Variants in IDE observed in about 807,000 individuals in gnomAD.
IDE encodes the protein insulin degrading enzyme, also known as insulin-degrading enzyme.
IDE carries 58 observed loss-of-function variants against 133.2 expected under a neutral mutation model. That is an observed-to-expected ratio of 0.44 (90% CI 0.35 to 0.54). The LOEUF is 0.54. IDE is among the 20% of genes least tolerant of loss of function. The pLI is 0.00. For synonymous variants in IDE, 396 were observed against 421.3 expected, an observed-to-expected ratio of 0.94 and a Z score of 0.73; for missense variants, 981 against 1,234.0, an observed-to-expected ratio of 0.79 and a Z score of 3.07.
chr10:92,455,046 A>G (rs924503720), intron 24 of IDE, among the ~76,000 whole-genome samples: 1 of 152,062 alleles, frequency 6.6e-6, no homozygotes, highest in Non-Finnish European at 1.5e-5. Flanking sequence ...GCAAAATAAC[A>G]CAACTGTTCA....
chr10:92,567,353 G>T (rs938276175), intron 1 of IDE, among the ~76,000 whole-genome samples: 2 of 152,136 alleles, frequency 1.3e-5, no homozygotes, highest in Non-Finnish European at 2.9e-5. Flanking sequence ...AAGACCTCAG[G>T]CTTCTCTGAC....
At chr10:92,515,360 C>T (rs562732458) in intron 4 of IDE, among the ~76,000 whole-genome samples, 8 of 138,640 alleles carry the variant, frequency 5.8e-5, no homozygotes, top group Non-Finnish European at 1.1e-4. Flanking sequence ...CCCGGGTTCA[C>T]GCCATTCTCC....
chr10:92,514,888 C>A lies in IDE; in HGVS notation c.784+32G>T. 1.9e-6 allele frequency: 3 copies of A among 1,583,234 alleles called. No individual in the cohort carries two copies. In the South Asian group the frequency reaches 3.4e-5, roughly 18 times the overall value. On this transcript the variant is annotated intron_variant, in intron 5 of 24. Transcript: ENST00000265986. ...AGCCAACATTAAAAACTTATATTAT[C>A]CAATTCTATAAAAAATTGTAAGGGT...
intron 1 of IDE, among the ~76,000 whole-genome samples, chr10:92,562,921 T>C (rs1466771107): frequency 1.3e-5 from 2 of 151,936 alleles, no homozygotes; most frequent in East Asian, 3.9e-4. Context: ...GGGTGGATCA[T>C]CTGAAGTCAG....
intron 1 of IDE, among the ~76,000 whole-genome samples, chr10:92,561,328 A>G (rs1261429594): frequency 6.6e-6 from 1 of 152,186 alleles, no homozygotes; most frequent in Non-Finnish European, 1.5e-5. Flanking sequence ...TCTAAAGTAG[A>G]CTTCCTAAGA....
chr10:92,566,592 G>A (rs1332875397), intron 1 of IDE, among the ~76,000 whole-genome samples: 1 of 151,964 alleles, frequency 6.6e-6, no homozygotes, highest in African/African-American at 2.4e-5. Flanking sequence ...GAGAGTAGAA[G>A]GATGGTTACT....
intron 11 of IDE, among the ~76,000 whole-genome samples, chr10:92,494,700 C>T (rs1000686294): frequency 1.3e-5 from 2 of 152,186 alleles, no homozygotes; most frequent in African/African-American, 4.8e-5. Flanking sequence ...ACTTCAAGTA[C>T]ATTTAAAAAT....
At chr10:92,457,178 G>C (rs1845076145) in intron 22 of IDE, among the ~76,000 whole-genome samples, 1 of 152,142 alleles carries the variant, frequency 6.6e-6, no homozygotes, top group Admixed American at 6.6e-5. Flanking sequence ...TGTCTACAGA[G>C]ACAATGGTCT....
chr10:92,529,714 GA>G (rs918399575), intron 4 of IDE, among the ~76,000 whole-genome samples: 1 of 150,080 alleles, frequency 6.7e-6, no homozygotes, highest in African/African-American at 2.4e-5. Context: ...ACCTCTACAG[GA>G]AAAAAAAATG....
intron 1 of IDE, chr10:92,554,942 G>A (rs1470733915): frequency 6.6e-6 from 1 of 151,924 alleles, no homozygotes; most frequent in Non-Finnish European, 1.5e-5. Flanking sequence ...GGGAAAAATA[G>A]AGCAGAAAAA....
In IDE at chr10:92,504,851, T is replaced by C. The variant is rs781115815; in HGVS notation, c.1373A>G (p.Glu458Gly). 1 of 1,590,906 alleles carries C rather than the reference T, an allele frequency of 6.3e-7. No individual in the cohort carries two copies. The highest frequency in any genetic ancestry group is 8.6e-7 in the Non-Finnish European group (1 of 1,169,068). ...CATCTCTATTAAGTCAGGTCTAAAT[T>C]CTTCCAGTAAATATTCCGCTGTGAG... is the stretch of plus-strand genomic sequence containing the variant. Reference protein sequence around the residue: ...EVLTAEYLLEEFRPDLIEMVL... With the variant: ...EVLTAEYLLEGFRPDLIEMVL... The change falls in exon 11 of 25, where the codon GAA becomes GGA. Residue 458 changes from glutamate (E) to glycine (G), a missense_variant. Glu to Gly is a moderately conservative substitution (Grantham distance 98). Coordinates refer to ENST00000265986, the MANE Select transcript of IDE (RefSeq NM_004969.4).
At chr10:92,482,799 C>CT (rs1589397903) in intron 14 of IDE, among the ~76,000 whole-genome samples, 1 of 151,628 alleles carries the variant, frequency 6.6e-6, no homozygotes. Context: ...AACAGCTCTC[C>CT]TTTTTTTTCT....
Position 92,561,297 on chromosome 10 carries a change from A to G in IDE, c.98+12625T>C, listed in dbSNP as rs78178288. 7.3e-3 allele frequency among the ~76,000 whole-genome samples: 1,108 copies of G among 152,188 alleles called. 11 individuals carry two copies. The highest frequency in any genetic ancestry group is 0.026 in the African/African-American group (1,061 of 41,544). On this transcript the variant is annotated intron_variant, in intron 1 of 24. Coordinates refer to ENST00000265986, the MANE Select transcript of IDE (RefSeq NM_004969.4). ...AGTAAATAAATAAATAAGTAAGGCGAACTCAGCAGTAGCACAGCTGTCTAA... is the reference window on the plus strand; with the variant it reads ...AGTAAATAAATAAATAAGTAAGGCGGACTCAGCAGTAGCACAGCTGTCTAA...
chr10:92,498,271 A>G (rs1417916929), intron 11 of IDE, among the ~76,000 whole-genome samples: 5 of 152,202 alleles, frequency 3.3e-5, no homozygotes, highest in African/African-American at 1.2e-4. Context: ...CCAAGATCTC[A>G]TGACTAGTAG....
intron 4 of IDE, among the ~76,000 whole-genome samples, 163 bp downstream of exon 4, chr10:92,531,585 A>G (rs1820791604): frequency 6.6e-6 from 1 of 152,188 alleles, no homozygotes; most frequent in Non-Finnish European, 1.5e-5. Context: ...GAAATGTGGA[A>G]TTTTGAAATC....
intron 1 of IDE, among the ~76,000 whole-genome samples, chr10:92,568,544 G>A (rs748603954): frequency 1.3e-5 from 2 of 152,300 alleles, no homozygotes; most frequent in East Asian, 3.9e-4. Context: ...AGCCGGGCAC[G>A]GTGGCCCACG....
intron 1 of IDE, among the ~76,000 whole-genome samples, chr10:92,567,153 C>A (rs1309440675): frequency 6.6e-6 from 1 of 152,188 alleles, no homozygotes; most frequent in African/African-American, 2.4e-5. Flanking sequence ...AAAGTGCCTA[C>A]AAGACTGTGC....
At chr10:92,490,124 C>A (rs763225467) in intron 12 of IDE, among the ~76,000 whole-genome samples, 1 of 152,242 alleles carries the variant, frequency 6.6e-6, no homozygotes, top group Non-Finnish European at 1.5e-5. Context: ...AGCCTGCTCT[C>A]AGCCTGTGTT....
At chr10:92,534,274 T>C (rs1167895253) in intron 3 of IDE, among the ~76,000 whole-genome samples, 1 of 152,206 alleles carries the variant, frequency 6.6e-6, no homozygotes, top group African/African-American at 2.4e-5. Flanking sequence ...GGAACAGAAG[T>C]ATGTCTGAAA....
Sources: gnomAD v4.1 joint callset for allele counts (sites outside exome capture counted in the v4.1 genomes callset) on GRCh38, gnomAD v4.1.1 for gene constraint, MANE v1.5 for transcripts, NCBI Gene and HGNC (gene_info 2026-07-23, HGNC 2026-07-21) for gene names.